Variants in ZNF197 observed in about 807,000 individuals in gnomAD.
ZNF197 encodes zinc finger protein 197, also known as VHL-associated KRAB-A domain-containing protein.
Under a neutral mutation model 27.4 loss-of-function variants are expected in ZNF197, and 14 were observed. The ratio of observed to expected loss-of-function variants is 0.51; its 90% CI spans 0.34 to 0.80. The LOEUF is 0.80. Ranked by LOEUF, ZNF197 falls within the 30% of genes least tolerant of loss-of-function variation. The probability of loss-of-function intolerance (pLI) is 0.02; values close to 1 mark genes in which losing one functional copy is unlikely to be tolerated. For missense variants in ZNF197, 1,090 were observed against 1,222.6 expected (o/e 0.89, Z 1.62); for synonymous variants, 415 against 420.0 (o/e 0.99, Z 0.15).
intron 1 of ZNF197, among the ~76,000 whole-genome samples, chr3:44,626,821 A>T (rs2372772): frequency 0.85 from 129,633 of 152,204 alleles, 55,283 homozygotes; most frequent in Middle Eastern, 0.93. Context: ...AGCAATTCTG[A>T]TTCAAGGAAT....
In ZNF197 at chr3:44,640,045, C is replaced by CG. The variant is rs1281507767; in HGVS notation, c.770-1849dup. Among the ~76,000 whole-genome samples the CG allele has an allele frequency of 2.6e-5, 4 of 152,036 alleles. No individual in the cohort carries two copies. Among genetic ancestry groups the CG allele is most frequent in the Non-Finnish European group, 5.9e-5 (4 of 68,010 alleles). ...GGCATGGATTAGGGCAGATGAAAGG[C>CG]GGGGGGTGTCAGTGGTAGGAAAGCC... is the stretch of plus-strand genomic sequence containing the variant. On this transcript the variant is annotated intron_variant, in intron 5 of 5. Transcript: ENST00000344387. The surrounding 1 kb of genome is among the most constrained non-coding windows in gnomAD (Gnocchi z 4.0).
Position 44,642,312 on chromosome 3 carries a change from T to C in ZNF197, c.1182T>C (p.Gly394=). 1 of 1,614,160 alleles carries C rather than the reference T, an allele frequency of 6.2e-7. No individual in the cohort carries two copies. Among genetic ancestry groups the C allele is most frequent in the African/African-American group, 1.3e-5 (1 of 75,054 alleles). Residue 394 remains glycine, a synonymous_variant, in exon 6 of 6, where the codon GGT becomes GGC. Transcript: ENST00000344387. The part of the protein sequence containing the change: ...HLINHRRIHT[G]EKPHKCKECG... ...TAAACCATCGGAGAATCCACACTGG[T>C]GAGAAACCTCATAAATGTAAGGAAT...
In ZNF197 at chr3:44,642,316, A is replaced by C; in HGVS notation, c.1186A>C (p.Lys396Gln). The change falls in exon 6 of 6, where the codon AAA becomes CAA. Residue 396 changes from lysine (K) to glutamine (Q), a missense_variant. Transcript: ENST00000344387. Reference sequence around the variant, plus strand: ...CCATCGGAGAATCCACACTGGTGAGAAACCTCATAAATGTAAGGAATGTGG... The same window carrying C: ...CCATCGGAGAATCCACACTGGTGAGCAACCTCATAAATGTAAGGAATGTGG... Reference protein sequence around the residue: ...INHRRIHTGEKPHKCKECGKG... With the variant: ...INHRRIHTGEQPHKCKECGKG... The C allele has an allele frequency of 1.2e-6, 2 of 1,614,210 alleles. No individual in the cohort carries two copies. The highest frequency in any genetic ancestry group is 1.1e-5 in the South Asian group (1 of 91,084).
In ZNF197 at chr3:44,648,213, A is replaced by T. The variant is rs961153089; in HGVS notation, c.*3993A>T. 1 of 152,070 alleles carries T rather than the reference A, an allele frequency of 6.6e-6. No individual in the cohort carries two copies. Among genetic ancestry groups the T allele is most frequent in the African/African-American group, 2.4e-5 (1 of 41,402 alleles). 9.4% of individuals were successfully genotyped at this position (152,070 alleles called of 1,614,324 possible). ...AGATGGTATTAGGGAATTTTTGTTGATTTTCTTACCTGTGACGGTGGTGGT... is the reference window on the plus strand; with the variant it reads ...AGATGGTATTAGGGAATTTTTGTTGTTTTTCTTACCTGTGACGGTGGTGGT... On this transcript the variant is annotated 3_prime_UTR_variant, in exon 6 of 6. Transcript: ENST00000344387.
At chr3:44,634,538 C>T (rs1458339253) in intron 5 of ZNF197, among the ~76,000 whole-genome samples, 2 of 152,104 alleles carry the variant, frequency 1.3e-5, no homozygotes, top group African/African-American at 4.8e-5. Flanking sequence ...TAACCTCTGC[C>T]TCCTGGGTTC....
rs1342947824 is a variant in ZNF197 at position 44,644,230 on chromosome 3, T to C, written c.*10T>C. 1 of 1,566,336 alleles carries C rather than the reference T, an allele frequency of 6.4e-7. No individual in the cohort carries two copies. Among genetic ancestry groups the C allele is most frequent in the South Asian group, 1.2e-5 (1 of 82,274 alleles). On this transcript the variant is annotated 3_prime_UTR_variant, in exon 6 of 6. Transcript: ENST00000344387. ...GATTCAGAAAATCTAGTGTCATATG[T>C]AAAATGGAATAGAATCCCTGCCTAC... is the stretch of plus-strand genomic sequence containing the variant.
chr3:44,642,369 T>G lies in ZNF197; in HGVS notation c.1239T>G (p.Leu413=), dbSNP rs746022328. The G allele has an allele frequency of 1.1e-5, 18 of 1,614,118 alleles. No homozygotes were observed. Among genetic ancestry groups the G allele is most frequent in the Non-Finnish European group, 1.5e-5 (18 of 1,180,020 alleles). The stretch of plus-strand genomic sequence containing the variant: ...AAGGCTTTATTCAGCGTTCGAGCCT[T>G]CTAATGCATTTACGGAACCATTCAG... ...CGKGFIQRSS[L]LMHLRNHSGE... Residue 413 remains leucine, a synonymous_variant, in exon 6 of 6, where the codon CTT becomes CTG. Coordinates refer to ENST00000344387, the MANE Select transcript of ZNF197 (RefSeq NM_006991.5).
In ZNF197 at chr3:44,644,155, A is replaced by C. The variant is rs1449505901; in HGVS notation, c.3025A>C (p.Thr1009Pro). Residue 1009 changes from threonine to proline, a missense_variant, in exon 6 of 6, where the codon ACC becomes CCC. Transcript: ENST00000344387. ...SNLHLQQKIH[T>P]IEEFSWLQNT... is the part of the protein sequence containing the mutation. ...CCTTCATCTTCAACAGAAAATCCAT[A>C]CCATTGAGGAATTCTCTTGGCTACA... 2 of 1,613,184 alleles carry C rather than the reference A, an allele frequency of 1.2e-6. No homozygotes were observed. The highest frequency in any genetic ancestry group is 2.7e-5 in the African/African-American group (2 of 74,984).
rs1685548084 is a variant in ZNF197 at position 44,642,159 on chromosome 3, G to A, written c.1029G>A (p.Lys343=). The change falls in exon 6 of 6, where the codon AAG becomes AAA. Residue 343 remains lysine, a synonymous_variant. Coordinates refer to ENST00000344387, the MANE Select transcript of ZNF197 (RefSeq NM_006991.5). ...CTCCACCAGAGAAACAAGGCCAAAA[G>A]TGGAAGGAATTAGGAGACAGCTTGA... ...KRTPPEKQGQ[K]WKELGDSLTF... 2 of 1,614,042 alleles carry A rather than the reference G, an allele frequency of 1.2e-6. No individual in the cohort carries two copies. Among genetic ancestry groups the A allele is most frequent in the Admixed American group, 3.3e-5 (2 of 60,004 alleles).
At position 44,625,353 on chromosome 3, in the gene ZNF197, C is replaced by G. The variant is rs1042347822; in HGVS notation, c.-82+210C>G. Among the ~76,000 whole-genome samples the G allele has an allele frequency of 9.2e-5, 14 of 152,346 alleles. No individual in the cohort carries two copies. The East Asian group carries it at 2.7e-3, about 29-fold the overall frequency. On this transcript the variant is annotated intron_variant, in intron 1 of 5. Coordinates refer to ENST00000344387, the MANE Select transcript of ZNF197 (RefSeq NM_006991.5). ...GAGGGAAGTACTGAGGACAGCAGCT[C>G]CGAGTCTGTGTGTGTTTGTGGACCG...
intron 3 of ZNF197, among the ~76,000 whole-genome samples, chr3:44,631,424 G>A (rs1234260472): frequency 1.3e-5 from 2 of 150,592 alleles, no homozygotes; most frequent in East Asian, 1.9e-4. Context: ...TTTTTGAGAC[G>A]GAGTCTCGCT....
At chr3:44,639,129 G>A (rs1458843918) in intron 5 of ZNF197, among the ~76,000 whole-genome samples, 1 of 152,080 alleles carries the variant, frequency 6.6e-6, no homozygotes, top group Non-Finnish European at 1.5e-5. Flanking sequence ...TACATCAATT[G>A]GTTTCCTAGT....
chr3:44,630,365 G>T (rs984284821), intron 2 of ZNF197, among the ~76,000 whole-genome samples: 4 of 152,146 alleles, frequency 2.6e-5, no homozygotes, highest in Admixed American at 6.5e-5. Flanking sequence ...TTATATCCTT[G>T]ACCATTAGAT....
intron 5 of ZNF197, among the ~76,000 whole-genome samples, chr3:44,634,404 T>C (rs1702167644): frequency 6.6e-6 from 1 of 152,120 alleles, no homozygotes; most frequent in Non-Finnish European, 1.5e-5. Flanking sequence ...TCCTTTATGG[T>C]CTTAGTGGTC....
In ZNF197 at chr3:44,631,207, A is replaced by G; in HGVS notation, c.536A>G (p.Gln179Arg). ...PPTDLVAFNL[Q>R]DPQHDSPAPE... ...ACTGACCTAGTGGCATTCAACCTCC[A>G]GGATCCTCAGCATGGTATTTACTCA... The change falls in exon 3 of 6, where the codon CAG becomes CGG. Residue 179 changes from glutamine (Q) to arginine (R), a missense_variant. Physicochemically the swap from Gln to Arg is conservative, Grantham distance 43. Transcript: ENST00000344387. 6.2e-7 allele frequency: 1 copy of G among 1,614,108 alleles called. No homozygotes were observed.
chr3:44,647,264 TATCAC>T lies in ZNF197; in HGVS notation c.*3045_*3049del, dbSNP rs1279650379. 2 of 151,616 alleles carry T rather than the reference TATCAC, an allele frequency of 1.3e-5. No individual in the cohort carries two copies. Among genetic ancestry groups the T allele is most frequent in the Admixed American group, 6.6e-5 (1 of 15,194 alleles). The allele number at this position is 151,616 out of a possible 1,614,324, so 9.4% of individuals were successfully genotyped here. A position where few individuals can be genotyped will look rare whatever the true frequency, so the allele number is the denominator to read the frequency against. ...GGAAATGCAGAGTAAAATCGTGAGATATCACCTATCAGAATAGCTTAACTTTTTTT... is the reference window on the plus strand; with the variant it reads ...GGAAATGCAGAGTAAAATCGTGAGATCTATCAGAATAGCTTAACTTTTTTT... On this transcript the variant is annotated 3_prime_UTR_variant, in exon 6 of 6. Transcript: ENST00000344387.
Position 44,643,891 on chromosome 3 carries a change from C to G in ZNF197, c.2761C>G (p.Gln921Glu). 1 of 1,613,708 alleles carries G rather than the reference C, an allele frequency of 6.2e-7. No homozygotes were observed. The highest frequency in any genetic ancestry group is 8.5e-7 in the Non-Finnish European group (1 of 1,179,886). ...TCAGAATAAAAACCTTGTTGTACAT[C>G]AGAGAATGCACACTGGGGAAAAACC... ...FSQNKNLVVH[Q>E]RMHTGEKPYE... The change falls in exon 6 of 6, where the codon CAG (glutamine) becomes GAG (glutamate). Residue 921 changes from glutamine to glutamate, a missense_variant. Coordinates refer to ENST00000344387, the MANE Select transcript of ZNF197 (RefSeq NM_006991.5).
intron 4 of ZNF197, 56 bp from the exon 5 acceptor site, chr3:44,632,417 C>T (rs1175371482): frequency 2.6e-6 from 4 of 1,544,880 alleles, no homozygotes; most frequent in Non-Finnish European, 2.6e-6. Context: ...TGAAGGGAAC[C>T]TTTCGACAGG....
intron 2 of ZNF197, among the ~76,000 whole-genome samples, chr3:44,630,546 T>G (rs1457475537): frequency 6.6e-6 from 1 of 152,184 alleles, no homozygotes; most frequent in African/African-American, 2.4e-5. Flanking sequence ...AGCTATATAT[T>G]TCGTTACAAA....
Sources: allele counts gnomAD v4.1 joint callset (sites outside exome capture counted in the v4.1 genomes callset), GRCh38; gene constraint gnomAD v4.1.1; non-coding constraint Gnocchi (gnomAD v3.1); transcripts MANE v1.5; gene names NCBI Gene and HGNC (gene_info 2026-07-23, HGNC 2026-07-21).